Variants in HOMER3 observed in about 807,000 individuals in gnomAD.
The protein encoded by HOMER3 is homer scaffold protein 3, also known as homer protein homolog 3.
HOMER3 carries 34 observed loss-of-function variants against 45.5 expected under a neutral mutation model. The observed-to-expected ratio is 0.75, with a 90% CI of 0.57 to 1.00. The LOEUF (loss-of-function observed/expected upper bound fraction) is 1.00. Among genes scored for constraint, HOMER3 ranks in the 50% least tolerant of loss-of-function variants. The pLI, the probability that HOMER3 is intolerant of heterozygous loss-of-function variation, is 0.00. For synonymous variants in HOMER3, 223 were observed against 208.8 expected (o/e 1.07, Z -0.58); for missense variants, 480 against 497.5 (o/e 0.96, Z 0.33).
At chr19:18,933,078 C>T (rs2057056174) in intron 5 of HOMER3, 33 bp from the exon 6 acceptor site, 2 of 1,464,434 alleles carry the variant, frequency 1.4e-6, no homozygotes. Flanking sequence ...GTCACGACCC[C>T]ACATCAGCTG....
At chr19:18,936,489 T>A (rs1203504310) in intron 4 of HOMER3, among the ~76,000 whole-genome samples, 2 of 149,814 alleles carry the variant, frequency 1.3e-5, no homozygotes, top group Non-Finnish European at 3.0e-5. Context: ...ATACAAAAAT[T>A]AAAAAAACAA....
At chr19:18,935,296 C>T (rs568051128) in intron 4 of HOMER3, among the ~76,000 whole-genome samples, 5 of 151,982 alleles carry the variant, frequency 3.3e-5, no homozygotes, top group African/African-American at 7.2e-5. Flanking sequence ...CGTGCCACCA[C>T]GCCCAGCTAA....
At chr19:18,931,776 G>T in intron 7 of HOMER3, 151 bp from the exon 8 acceptor site, 1 of 1,464,180 alleles carries the variant, frequency 6.8e-7, no homozygotes, top group Non-Finnish European at 9.0e-7. Flanking sequence ...TGCACAGCTT[G>T]GACTTTAGTG....
At chr19:18,932,255 G>T in intron 6 of HOMER3, 123 bp from the exon 7 acceptor site, 1 of 1,059,116 alleles carries the variant, frequency 9.4e-7, no homozygotes. Context: ...GCGAAGGCTG[G>T]CGAGGGTGCG....
chr19:18,940,014 A>G (rs2145136942), intron 1 of HOMER3: 1 of 152,446 alleles, frequency 6.6e-6, no homozygotes, highest in Non-Finnish European at 1.5e-5. Context: ...GCAACCCCGA[A>G]TCTGCAGGGG....
intron 5 of HOMER3, among the ~76,000 whole-genome samples, chr19:18,933,871 A>C (rs1367698327): frequency 6.6e-6 from 1 of 151,938 alleles, no homozygotes; most frequent in African/African-American, 2.4e-5. Flanking sequence ...CGCCTGGCTA[A>C]TTTTTGTATT....
At chr19:18,937,267 C>T (rs1220446684) in intron 4 of HOMER3, among the ~76,000 whole-genome samples, 1 of 131,148 alleles carries the variant, frequency 7.6e-6, no homozygotes, top group Non-Finnish European at 1.6e-5. Flanking sequence ...GCCATGATTG[C>T]ACTGCTTCAC....
rs1444426577 is a variant in HOMER3, at chr19:18,932,992, G to C, written c.465C>G (p.Phe155Leu). 1.6e-5 allele frequency: 23 copies of C among 1,473,028 alleles called. No individual in the cohort carries two copies. The highest frequency in any genetic ancestry group is 2.1e-5 in the Non-Finnish European group (23 of 1,115,322). The allele number at this position is 1,473,028 out of a possible 1,614,324, so 91.2% of individuals were successfully genotyped here. ...SANGPGEEKLFRSQSADAPGP... is the reference protein window; with the variant it reads ...SANGPGEEKLLRSQSADAPGP... ...CGGGGGCATCAGCGCTCTGGCTGCGGAACAGTTTTTCCTCGCCGGGGCCGT... is the reference window on the plus strand; with the variant it reads ...CGGGGGCATCAGCGCTCTGGCTGCGCAACAGTTTTTCCTCGCCGGGGCCGT... The change falls in exon 6 of 10, where the codon TTC becomes TTG. Residue 155 changes from phenylalanine to leucine, a missense_variant. Phe to Leu is a conservative substitution (Grantham distance 22). Coordinates refer to ENST00000392351, the MANE Select transcript of HOMER3 (RefSeq NM_004838.4).
intron 9 of HOMER3, among the ~76,000 whole-genome samples, chr19:18,930,430 T>C (rs1406356716): frequency 7.0e-6 from 1 of 142,260 alleles, no homozygotes. Flanking sequence ...CACCTGTAGT[T>C]CCAGCTACTC....
rs1282444566 is a variant in HOMER3, at chr19:18,929,411, G to A, written c.*32C>T. The A allele has an allele frequency of 1.9e-6, 3 of 1,586,388 alleles. No individual in the cohort carries two copies. Among genetic ancestry groups the A allele is most frequent in the South Asian group, 2.2e-5 (2 of 89,430 alleles). ...GCCTGCAGCCTGGCCCGCATCCCAGGCCGGAATCGTTCATAGAAAACCAGC... is the reference window on the plus strand; with the variant it reads ...GCCTGCAGCCTGGCCCGCATCCCAGACCGGAATCGTTCATAGAAAACCAGC... On this transcript the variant is annotated 3_prime_UTR_variant, in exon 10 of 10. Transcript: ENST00000392351.
chr19:18,929,667 C>G (rs1383486869), intron 9 of HOMER3, 33 bp from the exon 10 acceptor site: 34 of 1,463,534 alleles, frequency 2.3e-5, no homozygotes, highest in Non-Finnish European at 2.9e-5. Flanking sequence ...GTTGGGGGCC[C>G]CAACAAATCA....
chr19:18,936,173 C>T (rs1004495498), intron 4 of HOMER3, among the ~76,000 whole-genome samples: 4 of 149,842 alleles, frequency 2.7e-5, no homozygotes, highest in Non-Finnish European at 5.9e-5. Context: ...ATCAGCCAGG[C>T]ATGGTGGCAC....
In HOMER3 at chr19:18,938,810, G is replaced by A. The variant is rs139040912; in HGVS notation, c.89C>T (p.Ala30Val). The stretch of plus-strand genomic sequence containing the variant: ...GGAGACAGTGAGTGCGTGCTTGCCC[G>A]CTGGGATCCAGTTTCGCTTGGTGGC... ...DPATKRNWIP[A>V]GKHALTVSYF... is the part of the protein sequence containing the mutation. Residue 30 changes from alanine (A) to valine (V), a missense_variant, in exon 3 of 10, where the codon GCG (alanine) becomes GTG (valine). Transcript: ENST00000392351. 3.8e-5 allele frequency: 61 copies of A among 1,599,838 alleles called. No homozygotes were observed. Among genetic ancestry groups the A allele is most frequent in the Non-Finnish European group, 4.5e-5 (53 of 1,173,478 alleles).
At chr19:18,938,939 A>T (rs757264120) in intron 2 of HOMER3, 30 bp downstream of exon 2, 2 of 1,607,698 alleles carry the variant, frequency 1.2e-6, no homozygotes, top group Non-Finnish European at 1.7e-6. Context: ...TAGAAAGCTC[A>T]GGGCCAGGCT....
chr19:18,929,671 C>A lies in HOMER3; in HGVS notation c.895-37G>T, dbSNP rs959979694. ...GGGTGGGCAGGGTTGGGGGCCCCAA[C>A]AAATCACCAGTCCTGCCCGAGGCAT... is the stretch of plus-strand genomic sequence containing the variant. On this transcript the variant is annotated intron_variant, in intron 9 of 9. Transcript: ENST00000392351. 4.8e-6 allele frequency: 7 copies of A among 1,457,562 alleles called. No individual in the cohort carries two copies. The African/African-American group carries it at 8.5e-5, about 18-fold the overall frequency. The allele number at this position is 1,457,562 out of a possible 1,614,324, so 90.3% of individuals were successfully genotyped here. A position where few individuals can be genotyped will look rare whatever the true frequency, so the allele number is the denominator to read the frequency against.
Position 18,929,311 on chromosome 19 carries a change from A to C in HOMER3, c.*132T>G. The C allele has an allele frequency of 9.9e-7, 1 of 1,009,682 alleles. No individual in the cohort carries two copies. The highest frequency in any genetic ancestry group is 1.6e-6 in the Non-Finnish European group (1 of 642,784). 62.5% of individuals were successfully genotyped at this position (1,009,682 alleles called of 1,614,324 possible). Reference sequence around the variant, plus strand: ...AGCCGACTGGGGCCCACCCCAGCCCAGCCCGGCCCGGCCCACCCAGGGCTA... The same window carrying C: ...AGCCGACTGGGGCCCACCCCAGCCCCGCCCGGCCCGGCCCACCCAGGGCTA... On this transcript the variant is annotated 3_prime_UTR_variant, in exon 10 of 10. Transcript: ENST00000392351.
chr19:18,934,574 G>A (rs2057071864), intron 4 of HOMER3, among the ~76,000 whole-genome samples, 164 bp from the exon 5 acceptor site: 1 of 152,166 alleles, frequency 6.6e-6, no homozygotes, highest in Admixed American at 6.6e-5. Flanking sequence ...CATGGTGGGT[G>A]GGCAGGTGGC....
intron 4 of HOMER3, 151 bp downstream of exon 4, chr19:18,938,202 A>C: frequency 2.6e-6 from 2 of 774,212 alleles, no homozygotes; most frequent in Non-Finnish European, 4.0e-6. Flanking sequence ...AAACCGGGGA[A>C]GCTTAAAGGG....
At chr19:18,930,604 G>A (rs1167013644) in intron 9 of HOMER3, among the ~76,000 whole-genome samples, 2 of 151,238 alleles carry the variant, frequency 1.3e-5, no homozygotes, top group Non-Finnish European at 2.9e-5. Flanking sequence ...AAGGCCAGTC[G>A]TGGTGACTCA....
Sources: gnomAD v4.1 joint callset for allele counts (sites outside exome capture counted in the v4.1 genomes callset) on GRCh38, gnomAD v4.1.1 for gene constraint, MANE v1.5 for transcripts, NCBI Gene and HGNC (gene_info 2026-07-23, HGNC 2026-07-21) for gene names.